HS3ST3A1: variants seen among roughly 807,000 people sequenced by gnomAD.
The protein encoded by HS3ST3A1 is heparan sulfate glucosamine 3-O-sulfotransferase 3A1.
A neutral mutation model predicts 25.7 loss-of-function variants in HS3ST3A1; 19 were observed. The ratio of observed to expected loss-of-function variants is 0.74; its 90% CI spans 0.52 to 1.08. The LOEUF (loss-of-function observed/expected upper bound fraction) is 1.08. Ranked by LOEUF, HS3ST3A1 falls within the 50% of genes least tolerant of loss-of-function variation. The pLI, the probability that HS3ST3A1 is intolerant of heterozygous loss-of-function variation, is 0.00. For missense variants in HS3ST3A1, 459 were observed against 594.3 expected, an observed-to-expected ratio of 0.77 and a Z score of 2.37; for synonymous variants, 226 against 278.6, an observed-to-expected ratio of 0.81 and a Z score of 1.88.
At chr17:13,522,770 T>C (rs1906287635) in intron 1 of HS3ST3A1, among the ~76,000 whole-genome samples, 1 of 150,788 alleles carries the variant, frequency 6.6e-6, no homozygotes, top group Non-Finnish European at 1.5e-5. Flanking sequence ...AATGGCAAAA[T>C]AATATTTAAT....
At position 13,570,847 on chromosome 17, in the gene HS3ST3A1, G is replaced by A. The variant is rs141268136; in HGVS notation, c.599+29684C>T. On this transcript the variant is annotated intron_variant, in intron 1 of 1. Transcript: ENST00000284110. Reference sequence around the variant, plus strand: ...ATTTACAGGAGTTTTAGGTTCCTACGCATCTCAGTTTTGTTTTGTTTTGTT... The same window carrying A: ...ATTTACAGGAGTTTTAGGTTCCTACACATCTCAGTTTTGTTTTGTTTTGTT... Among the ~76,000 whole-genome samples, 213 of 152,216 alleles carry A rather than the reference G, an allele frequency of 1.4e-3. 3 individuals carry two copies. The highest frequency in any genetic ancestry group is 4.8e-3 in the African/African-American group (199 of 41,518).
intron 1 of HS3ST3A1, among the ~76,000 whole-genome samples, chr17:13,512,605 T>C (rs963317789): frequency 2.6e-5 from 4 of 152,218 alleles, no homozygotes; most frequent in African/African-American, 9.6e-5. Flanking sequence ...TGGGTACTTG[T>C]GACAGAGATC....
At chr17:13,590,330 A>T (rs1484130346) in intron 1 of HS3ST3A1, among the ~76,000 whole-genome samples, 2 of 56,072 alleles carry the variant, frequency 3.6e-5, no homozygotes, top group Admixed American at 2.8e-4. Context: ...TGAGGTTAAA[A>T]AAAAAAAAAA....
chr17:13,556,269 AGGCCGG>A (rs1215946428), intron 1 of HS3ST3A1, among the ~76,000 whole-genome samples: 2 of 152,116 alleles, frequency 1.3e-5, no homozygotes, highest in Non-Finnish European at 2.9e-5. Flanking sequence ...GCACTTTGGG[AGGCCGG>A]GGCGGGCAGA....
In HS3ST3A1 at chr17:13,508,595, T is replaced by C. The variant is rs532210751; in HGVS notation, c.600-11777A>G. On this transcript the variant is annotated intron_variant, in intron 1 of 1. Transcript: ENST00000284110. ...TGCTTCAACCCCTGATCCCCCTTTC[T>C]ATGTTAACTTCATTGAGGGAACTCA... is the stretch of plus-strand genomic sequence containing the variant. 1.5e-3 allele frequency among the ~76,000 whole-genome samples: 222 copies of C among 152,352 alleles called. 1 individual carries two copies. Among genetic ancestry groups the C allele is most frequent in the Middle Eastern group, 3.4e-3 (1 of 294 alleles).
intron 1 of HS3ST3A1, among the ~76,000 whole-genome samples, chr17:13,515,578 T>C (rs560709488): frequency 5.3e-4 from 81 of 152,018 alleles, no homozygotes; most frequent in African/African-American, 1.9e-3. Context: ...GTAACAGTTT[T>C]CAATGTTTAT....
intron 1 of HS3ST3A1, among the ~76,000 whole-genome samples, chr17:13,568,567 A>C (rs756053393): frequency 2.0e-5 from 3 of 152,100 alleles, no homozygotes; most frequent in Non-Finnish European, 4.4e-5. Flanking sequence ...TAATAATTTT[A>C]ATATTTTCTT....
At chr17:13,582,243 GT>G (rs1382446453) in intron 1 of HS3ST3A1, among the ~76,000 whole-genome samples, 1 of 152,108 alleles carries the variant, frequency 6.6e-6, no homozygotes, top group African/African-American at 2.4e-5. Flanking sequence ...AGAACTTTCT[GT>G]TTTCAAGGAA....
At chr17:13,545,749 C>T (rs1004268218) in intron 1 of HS3ST3A1, among the ~76,000 whole-genome samples, 1 of 152,108 alleles carries the variant, frequency 6.6e-6, no homozygotes, top group African/African-American at 2.4e-5. Context: ...GGCCGAGGCG[C>T]ATGGATCACT....
chr17:13,573,736 G>A (rs985740293), intron 1 of HS3ST3A1, among the ~76,000 whole-genome samples: 1 of 152,170 alleles, frequency 6.6e-6, no homozygotes. Context: ...AAATTCATAT[G>A]TTGAAACTGT....
chr17:13,569,581 C>T (rs116546659), intron 1 of HS3ST3A1, among the ~76,000 whole-genome samples: 2,488 of 152,234 alleles, frequency 0.016, 62 homozygotes, highest in African/African-American at 0.054. Context: ...AGGTGATTCA[C>T]GGCCAGTGTC....
chr17:13,562,309 G>A (rs1399842007), intron 1 of HS3ST3A1, among the ~76,000 whole-genome samples: 2 of 152,100 alleles, frequency 1.3e-5, no homozygotes, highest in African/African-American at 2.4e-5. Context: ...CGCTCATTCT[G>A]CAAGAGGCAG....
intron 1 of HS3ST3A1, among the ~76,000 whole-genome samples, chr17:13,544,960 C>T (rs887381908): frequency 6.6e-6 from 1 of 152,236 alleles, no homozygotes; most frequent in Admixed American, 6.5e-5. Context: ...CCCCCCAGAA[C>T]ATCAATTCTC....
At chr17:13,536,004 G>A (rs1312874027) in intron 1 of HS3ST3A1, among the ~76,000 whole-genome samples, 1 of 152,112 alleles carries the variant, frequency 6.6e-6, no homozygotes, top group Non-Finnish European at 1.5e-5. Context: ...AAATGACCTA[G>A]AGAACCACAG....
At chr17:13,550,577 CAGTTTTATGAGTGAA>C in intron 1 of HS3ST3A1, among the ~76,000 whole-genome samples, 1 of 152,042 alleles carries the variant, frequency 6.6e-6, no homozygotes, top group African/African-American at 2.4e-5. Flanking sequence ...CCTGCATTGT[CAGTTTTATGAGTGAA>C]AAATAAACTT....
chr17:13,541,733 G>A (rs1906938508), intron 1 of HS3ST3A1, among the ~76,000 whole-genome samples: 1 of 152,124 alleles, frequency 6.6e-6, no homozygotes, highest in African/African-American at 2.4e-5. Context: ...GTGACCAGAT[G>A]GTCATCTGTT....
chr17:13,520,625 T>G (rs1906201121), intron 1 of HS3ST3A1, among the ~76,000 whole-genome samples: 3 of 152,072 alleles, frequency 2.0e-5, no homozygotes. Context: ...TTTCTTTTTT[T>G]TTTTGGGGAA....
intron 1 of HS3ST3A1, among the ~76,000 whole-genome samples, chr17:13,590,193 A>C (rs1908384517): frequency 6.6e-6 from 1 of 152,084 alleles, no homozygotes; most frequent in African/African-American, 2.4e-5. Flanking sequence ...GACCAATCAC[A>C]CTCGATGGGT....
intron 1 of HS3ST3A1, among the ~76,000 whole-genome samples, chr17:13,522,244 G>T (rs899149330): frequency 2.1e-5 from 3 of 142,494 alleles, no homozygotes; most frequent in African/African-American, 7.7e-5. Flanking sequence ...AAAAAAAAAA[G>T]TTAACAATAC....
Sources: gnomAD v4.1 joint callset for allele counts (sites outside exome capture counted in the v4.1 genomes callset) on GRCh38, gnomAD v4.1.1 for gene constraint, MANE v1.5 for transcripts, NCBI Gene and HGNC (gene_info 2026-07-23, HGNC 2026-07-21) for gene names.